The following TACSTD2 variants were observed in gnomAD, a reference collection of about 807,000 sequenced individuals.
TACSTD2 encodes the protein tumor-associated calcium signal transducer 2.
A neutral mutation model predicts 7.9 loss-of-function variants in TACSTD2; 6 were observed. The ratio of observed to expected loss-of-function variants is 0.76; its 90% CI spans 0.42 to 1.50. The LOEUF (loss-of-function observed/expected upper bound fraction) is 1.50. Among genes scored for constraint, TACSTD2 ranks in the 40% most tolerant of loss-of-function variants. The probability of loss-of-function intolerance (pLI) is 0.01; values close to 1 mark genes in which losing one functional copy is unlikely to be tolerated. For missense variants in TACSTD2, 511 were observed against 471.2 expected (o/e 1.08, Z -0.78); for synonymous variants, 220 against 225.5 (o/e 0.98, Z 0.22).
rs1443919192 is a variant in TACSTD2, at chr1:58,575,886, G to GT, written c.*298dup. The GT allele has an allele frequency of 2.5e-6, 1 of 404,162 alleles. No individual in the cohort carries two copies. The highest frequency in any genetic ancestry group is 2.0e-5 in the African/African-American group (1 of 49,252). 25.0% of individuals were successfully genotyped at this position (404,162 alleles called of 1,614,324 possible). On this transcript the variant is annotated 3_prime_UTR_variant, in exon 1 of 1. Coordinates refer to ENST00000371225, the MANE Select transcript of TACSTD2 (RefSeq NM_002353.3). ...ATCCCGGGTTGTCATACAGATACTT[G>GT]TTTTTTACACATAACGCTATGCCAT...
At position 58,576,210 on chromosome 1, in the gene TACSTD2, TC is replaced by T. The variant is rs1557472401; in HGVS notation, c.946del (p.Glu316SerfsTer2). The T allele has an allele frequency of 1.9e-6, 3 of 1,613,824 alleles. No individual in the cohort carries two copies. The highest frequency in any genetic ancestry group is 2.5e-6 in the Non-Finnish European group (3 of 1,179,992). Reference protein sequence around the residue: ...YKKVEIKELGELRKEPSL With the variant: ...YKKVEIKELGXLRKEPSL ...CTACAAGCTCGGTTCCTTTCTCAAC[TC>T]CCCCAGTTCCTTGATCTCCACCTTC... On this transcript the variant is annotated frameshift_variant, in exon 1 of 1. Transcript: ENST00000371225. LOFTEE classifies it high-confidence loss of function.
chr1:58,576,483 T>C lies in TACSTD2; in HGVS notation c.674A>G (p.Tyr225Cys), dbSNP rs907321176. 5 of 1,613,492 alleles carry C rather than the reference T, an allele frequency of 3.1e-6. No homozygotes were observed. The highest frequency in any genetic ancestry group is 2.2e-5 in the East Asian group (1 of 44,872). ...CTCGCCCTTGATGTCCCTCTCGAAGTAGTAGGCGGCATCGCCGATATCCAC... is the reference window on the plus strand; with the variant it reads ...CTCGCCCTTGATGTCCCTCTCGAAGCAGTAGGCGGCATCGCCGATATCCAC... ...GDVDIGDAAYYFERDIKGESL... is the reference protein window; with the variant it reads ...GDVDIGDAAYCFERDIKGESL... The change falls in exon 1 of 1, where the codon TAC becomes TGC. Residue 225 changes from tyrosine (Y) to cysteine (C), a missense_variant. Physicochemically the swap from Tyr to Cys is radical, Grantham distance 194. Transcript: ENST00000371225.
Position 58,576,997 on chromosome 1 carries a change from G to C in TACSTD2, c.160C>G (p.Gln54Glu), listed in dbSNP as rs1332094455. Reference sequence around the variant, plus strand: ...ATGCCCGAGCCCAGCGCGCGGCACTGGCAGCGGCCGCCGGGGCCGTCGGGG... The same window carrying C: ...ATGCCCGAGCCCAGCGCGCGGCACTCGCAGCGGCCGCCGGGGCCGTCGGGG... ...CSPDGPGGRC[Q>E]CRALGSGMAV... is the part of the protein sequence containing the mutation. The change falls in exon 1 of 1, where the codon CAG becomes GAG. Residue 54 changes from glutamine to glutamate, a missense_variant. By Grantham distance (29) the Gln-to-Glu change is conservative. Transcript: ENST00000371225. 2 of 1,568,544 alleles carry C rather than the reference G, an allele frequency of 1.3e-6. No homozygotes were observed. The highest frequency in any genetic ancestry group is 1.8e-5 in the Admixed American group (1 of 55,414).
chr1:58,577,216 C>T lies in TACSTD2; in HGVS notation c.-60G>A. ...GATGAGGCGCGGGGACTCGTCGGGG[C>T]TCGGGCTCCGGCGTCTGGGATGGTC... On this transcript the variant is annotated 5_prime_UTR_variant, in exon 1 of 1. Transcript: ENST00000371225. The T allele has an allele frequency of 7.6e-7, 1 of 1,318,908 alleles. No individual in the cohort carries two copies. Among genetic ancestry groups the T allele is most frequent in the Non-Finnish European group, 9.6e-7 (1 of 1,040,838 alleles). The allele number at this position is 1,318,908 out of a possible 1,614,324, so 81.7% of individuals were successfully genotyped here.
chr1:58,576,503 A>T lies in TACSTD2; in HGVS notation c.654T>A (p.Asp218Glu). The T allele has an allele frequency of 6.2e-7, 1 of 1,613,196 alleles. No individual in the cohort carries two copies. Among genetic ancestry groups the T allele is most frequent in the Admixed American group, 1.7e-5 (1 of 59,952 alleles). The part of the protein sequence containing the change: ...NTSQKAAGDV[D>E]IGDAAYYFER... ...CGAAGTAGTAGGCGGCATCGCCGATATCCACGTCACCGGCGGCCTTCTGAG... is the reference window on the plus strand; with the variant it reads ...CGAAGTAGTAGGCGGCATCGCCGATTTCCACGTCACCGGCGGCCTTCTGAG... The change falls in exon 1 of 1, where the codon GAT (aspartate) becomes GAA (glutamate). Residue 218 changes from aspartate to glutamate, a missense_variant. Asp to Glu is a conservative substitution (Grantham distance 45). Coordinates refer to ENST00000371225, the MANE Select transcript of TACSTD2 (RefSeq NM_002353.3).
chr1:58,576,733 T>A lies in TACSTD2; in HGVS notation c.424A>T (p.Ser142Cys). Residue 142 changes from serine (S) to cysteine (C), a missense_variant, in exon 1 of 1, where the codon AGC becomes TGC. Coordinates refer to ENST00000371225, the MANE Select transcript of TACSTD2 (RefSeq NM_002353.3). Reference sequence around the variant, plus strand: ...CGCACCAGCTCATCGCAGCGTAGGCTCAGGTCGCCCTTGTCCGTGCGGCGC... The same window carrying A: ...CGCACCAGCTCATCGCAGCGTAGGCACAGGTCGCCCTTGTCCGTGCGGCGC... ...GVRRTDKGDL[S>C]LRCDELVRTH... is the part of the protein sequence containing the mutation. The A allele has an allele frequency of 6.2e-7, 1 of 1,600,680 alleles. No homozygotes were observed. The highest frequency in any genetic ancestry group is 8.5e-7 in the Non-Finnish European group (1 of 1,179,274).
chr1:58,577,179 CGGACGCGGGCG>C lies in TACSTD2; in HGVS notation c.-34_-24del, dbSNP rs1646891508. 9.7e-6 allele frequency: 13 copies of C among 1,342,952 alleles called. No individual in the cohort carries two copies. The South Asian group carries it at 2.3e-4, about 24-fold the overall frequency. The allele number at this position is 1,342,952 out of a possible 1,614,324, so 83.2% of individuals were successfully genotyped here. A position where few individuals can be genotyped will look rare whatever the true frequency, so the allele number is the denominator to read the frequency against. ...CATGGTGGGGCGGAGGAACGCGGAC[CGGACGCGGGCG>C]GATGAGGCGCGGGGACTCGTCGGGG... On this transcript the variant is annotated 5_prime_UTR_variant, in exon 1 of 1. Coordinates refer to ENST00000371225, the MANE Select transcript of TACSTD2 (RefSeq NM_002353.3).
In TACSTD2 at chr1:58,577,107, A is replaced by G. The variant is rs1223775699; in HGVS notation, c.50T>C (p.Leu17Pro). 2.8e-6 allele frequency: 4 copies of G among 1,438,738 alleles called. No homozygotes were observed. The highest frequency in any genetic ancestry group is 3.6e-6 in the Non-Finnish European group (4 of 1,106,232). 89.1% of individuals were successfully genotyped at this position (1,438,738 alleles called of 1,614,324 possible). The change falls in exon 1 of 1, where the codon CTG becomes CCG. Residue 17 changes from leucine (L) to proline (P), a missense_variant. By Grantham distance (98) the Leu-to-Pro change is moderately conservative. Transcript: ENST00000371225. Reference sequence around the variant, plus strand: ...GGTCACCGCCGCCAGCACCAGCAGCAGCAGCGGCAGCCGCAGCGGTGGCGG... The same window carrying G: ...GGTCACCGCCGCCAGCACCAGCAGCGGCAGCGGCAGCCGCAGCGGTGGCGG... ...LAPPPLRLPL[L>P]LLVLAAVTGH...
At position 58,575,843 on chromosome 1, in the gene TACSTD2, T is replaced by G; in HGVS notation, c.*342A>C. 1 of 284,204 alleles carries G rather than the reference T, an allele frequency of 3.5e-6. No individual in the cohort carries two copies. The allele number at this position is 284,204 out of a possible 1,614,324, so 17.6% of individuals were successfully genotyped here. The stretch of plus-strand genomic sequence containing the variant: ...TAAGCCTTCACAATGTCGCAATGGA[T>G]TCAGTTACTTGCAAACGATCCCGGG... On this transcript the variant is annotated 3_prime_UTR_variant, in exon 1 of 1. Coordinates refer to ENST00000371225, the MANE Select transcript of TACSTD2 (RefSeq NM_002353.3).
In TACSTD2 at chr1:58,576,424, G is replaced by A. The variant is rs199756892; in HGVS notation, c.733C>T (p.Arg245Cys). 1.3e-5 allele frequency: 21 copies of A among 1,613,670 alleles called. No homozygotes were observed. The highest frequency in any genetic ancestry group is 2.7e-5 in the African/African-American group (2 of 75,044). ...ACCTGCAGGGGTTCTCCGCGCACGC[G>A]CAAGTCCAGGCCGCCGCGGCCCTGG... The part of the protein sequence containing the change: ...LFQGRGGLDL[R>C]VRGEPLQVER... Residue 245 changes from arginine (R) to cysteine (C), a missense_variant, in exon 1 of 1, where the codon CGC (arginine) becomes TGC (cysteine). Arg to Cys is a radical substitution (Grantham distance 180). Transcript: ENST00000371225.
In TACSTD2 at chr1:58,577,204, G is replaced by T; in HGVS notation, c.-48C>A. On this transcript the variant is annotated 5_prime_UTR_variant, in exon 1 of 1. Transcript: ENST00000371225. The stretch of plus-strand genomic sequence containing the variant: ...CGGACGCGGGCGGATGAGGCGCGGG[G>T]ACTCGTCGGGGCTCGGGCTCCGGCG... 1 of 1,328,426 alleles carries T rather than the reference G, an allele frequency of 7.5e-7. No homozygotes were observed. The highest frequency in any genetic ancestry group is 9.6e-7 in the Non-Finnish European group (1 of 1,046,564). The allele number at this position is 1,328,426 out of a possible 1,614,324, so 82.3% of individuals were successfully genotyped here. A position where few individuals can be genotyped will look rare whatever the true frequency, so the allele number is the denominator to read the frequency against.
Position 58,576,435 on chromosome 1 carries a change from C to A in TACSTD2, c.722G>T (p.Gly241Val), listed in dbSNP as rs931110600. 2 of 1,613,748 alleles carry A rather than the reference C, an allele frequency of 1.2e-6. No homozygotes were observed. The highest frequency in any genetic ancestry group is 1.3e-5 in the African/African-American group (1 of 74,950). ...KGESLFQGRG[G>V]LDLRVRGEPL... ...TTCTCCGCGCACGCGCAAGTCCAGG[C>A]CGCCGCGGCCCTGGAATAGAGACTC... The change falls in exon 1 of 1, where the codon GGC (glycine) becomes GTC (valine). Residue 241 changes from glycine to valine, a missense_variant. Transcript: ENST00000371225.
chr1:58,576,820 G>C lies in TACSTD2; in HGVS notation c.337C>G (p.Arg113Gly), dbSNP rs1256348759. 3 of 1,596,150 alleles carry C rather than the reference G, an allele frequency of 1.9e-6. No homozygotes were observed. The highest frequency in any genetic ancestry group is 1.7e-6 in the Non-Finnish European group (2 of 1,177,808). The change falls in exon 1 of 1, where the codon CGC (arginine) becomes GGC (glycine). Residue 113 changes from arginine to glycine, a missense_variant. Physicochemically the swap from Arg to Gly is moderately radical, Grantham distance 125. Coordinates refer to ENST00000371225, the MANE Select transcript of TACSTD2 (RefSeq NM_002353.3). Reference protein sequence around the residue: ...LYDPDCDPEGRFKARQCNQTS... With the variant: ...LYDPDCDPEGGFKARQCNQTS... ...TGGTTGCACTGGCGCGCCTTGAAGC[G>C]GCCCTCGGGGTCGCAGTCGGGGTCG... is the stretch of plus-strand genomic sequence containing the variant.
rs1319334927 is a variant in TACSTD2, at chr1:58,576,249, G to A, written c.908C>T (p.Ser303Leu). The A allele has an allele frequency of 2.5e-6, 4 of 1,613,976 alleles. No individual in the cohort carries two copies. The highest frequency in any genetic ancestry group is 3.4e-6 in the Non-Finnish European group (4 of 1,179,988). Residue 303 changes from serine (S) to leucine (L), a missense_variant, in exon 1 of 1, where the codon TCG (serine) becomes TTG (leucine). Physicochemically the swap from Ser to Leu is moderately radical, Grantham distance 145. Transcript: ENST00000371225. Reference protein sequence around the residue: ...AVLVITNRRKSGKYKKVEIKE... With the variant: ...AVLVITNRRKLGKYKKVEIKE... ...GATCTCCACCTTCTTGTACTTCCCC[G>A]ACTTTCTCCGGTTGGTGATCACCAG...
At position 58,575,789 on chromosome 1, in the gene TACSTD2, A is replaced by G. The variant is rs41313365; in HGVS notation, c.*396T>C. 4.8e-3 allele frequency: 973 copies of G among 201,416 alleles called. 11 individuals carry two copies. The highest frequency in any genetic ancestry group is 7.6e-3 in the Admixed American group (144 of 18,850). The allele number at this position is 201,416 out of a possible 1,614,324, so 12.5% of individuals were successfully genotyped here. On this transcript the variant is annotated 3_prime_UTR_variant, in exon 1 of 1. Coordinates refer to ENST00000371225, the MANE Select transcript of TACSTD2 (RefSeq NM_002353.3). ...TCAAATAATTTAAACCCAAGGCGAT[A>G]ACAACGCTATTTCCCATCTAAACTC...
Position 58,576,169 on chromosome 1 carries a change from C to T in TACSTD2, c.*16G>A. 6.2e-7 allele frequency: 1 copy of T among 1,612,668 alleles called. No homozygotes were observed. The highest frequency in any genetic ancestry group is 2.2e-5 in the East Asian group (1 of 44,734). On this transcript the variant is annotated 3_prime_UTR_variant, in exon 1 of 1. Transcript: ENST00000371225. ...GAAATCCGGTACCCCACCCCATCCC[C>T]TGCCCCGCCGGGTACCTACAAGCTC...
In TACSTD2 at chr1:58,576,770, G is replaced by C. The variant is rs1201905886; in HGVS notation, c.387C>G (p.Asn129Lys). 5 of 1,599,150 alleles carry C rather than the reference G, an allele frequency of 3.1e-6. No homozygotes were observed. The highest frequency in any genetic ancestry group is 1.7e-5 in the Admixed American group (1 of 59,722). The part of the protein sequence containing the change: ...CNQTSVCWCV[N>K]SVGVRRTDKG... Reference sequence around the variant, plus strand: ...TGTCCGTGCGGCGCACGCCCACCGAGTTCACGCACCAGCACACCGACGTCT... The same window carrying C: ...TGTCCGTGCGGCGCACGCCCACCGACTTCACGCACCAGCACACCGACGTCT... Residue 129 changes from asparagine (N) to lysine (K), a missense_variant, in exon 1 of 1, where the codon AAC becomes AAG. Asn to Lys is a moderately conservative substitution (Grantham distance 94, BLOSUM62 0). Transcript: ENST00000371225.
chr1:58,576,097 C>A lies in TACSTD2; in HGVS notation c.*88G>T. 1 of 1,495,478 alleles carries A rather than the reference C, an allele frequency of 6.7e-7. No homozygotes were observed. The highest frequency in any genetic ancestry group is 9.0e-7 in the Non-Finnish European group (1 of 1,111,174). 92.6% of individuals were successfully genotyped at this position (1,495,478 alleles called of 1,614,324 possible). ...TTTGAAAGGATAAACGTCTCCTTTG[C>A]GCCGAGGAATCAGGAAGCGTGACTC... On this transcript the variant is annotated 3_prime_UTR_variant, in exon 1 of 1. Coordinates refer to ENST00000371225, the MANE Select transcript of TACSTD2 (RefSeq NM_002353.3).
In TACSTD2 at chr1:58,576,190, A is replaced by T. The variant is rs1448861916; in HGVS notation, c.967T>A (p.Leu323Met). 6.2e-7 allele frequency: 1 copy of T among 1,613,892 alleles called. No individual in the cohort carries two copies. The highest frequency in any genetic ancestry group is 8.5e-7 in the Non-Finnish European group (1 of 1,179,952). ...ELGELRKEPS[L>M] ...TCCCCTGCCCCGCCGGGTACCTACA[A>T]GCTCGGTTCCTTTCTCAACTCCCCC... Residue 323 changes from leucine (L) to methionine (M), a missense_variant, in exon 1 of 1, where the codon TTG becomes ATG. By Grantham distance (15) the Leu-to-Met change is conservative (BLOSUM62 2). Transcript: ENST00000371225.
Sources: allele counts gnomAD v4.1 joint callset, GRCh38; gene constraint gnomAD v4.1.1; transcripts MANE v1.5; gene names NCBI Gene and HGNC (gene_info 2026-07-23, HGNC 2026-07-21).